The following IGSF21 variants were observed in gnomAD, a reference collection of about 807,000 sequenced individuals.
IGSF21 encodes the protein immunoglobin superfamily member 21.
In IGSF21, 28 loss-of-function variants were observed where a neutral mutation model predicts 46.8. The ratio of observed to expected loss-of-function variants is 0.60; its 90% confidence interval spans 0.44 to 0.82. IGSF21 has a LOEUF of 0.82. Ranked by LOEUF, IGSF21 falls within the 40% of genes least tolerant of loss-of-function variation. The pLI is 0.00. For synonymous variants in IGSF21, 284 were observed against 273.6 expected, an observed-to-expected ratio of 1.04 and a Z score of -0.38; for missense variants, 624 against 665.5, an observed-to-expected ratio of 0.94 and a Z score of 0.69.
At chr1:18,264,158 A>T (rs55693249) in intron 2 of IGSF21, among the ~76,000 whole-genome samples, 3,026 of 152,300 alleles carry the variant, frequency 0.02, 95 homozygotes, top group African/African-American at 0.057. Context: ...TTAAATTCCC[A>T]GGAGTCTGCA....
rs1316308393 is a variant in IGSF21 at position 18,335,961 on chromosome 1, C to T, written c.424+951C>T. Reference sequence around the variant, plus strand: ...GCAGTTACTCATGCACCACTCAGCTCCTCTGATAAAGGAACTAGCAGCGTT... The same window carrying T: ...GCAGTTACTCATGCACCACTCAGCTTCTCTGATAAAGGAACTAGCAGCGTT... On this transcript the variant is annotated intron_variant, in intron 4 of 9. Transcript: ENST00000251296. The surrounding 1 kb of genome is among the most constrained non-coding windows in gnomAD (Gnocchi z 4.8). 2.6e-5 allele frequency among the ~76,000 whole-genome samples: 4 copies of T among 152,164 alleles called. No individual in the cohort carries two copies. Among genetic ancestry groups the T allele is most frequent in the African/African-American group, 9.7e-5 (4 of 41,434 alleles).
intron 2 of IGSF21, among the ~76,000 whole-genome samples, chr1:18,284,985 A>G (rs149741645): frequency 9.2e-5 from 14 of 152,198 alleles, no homozygotes; most frequent in African/African-American, 3.1e-4. Flanking sequence ...GAGTTGGGAT[A>G]ATGTAGACAG....
chr1:18,280,579 C>T (rs1449002429), intron 2 of IGSF21, among the ~76,000 whole-genome samples: 1 of 152,182 alleles, frequency 6.6e-6, no homozygotes, highest in Non-Finnish European at 1.5e-5. Context: ...GATTCATCCT[C>T]CACCCTAGAT....
intron 1 of IGSF21, among the ~76,000 whole-genome samples, chr1:18,146,705 C>T (rs1021470663): frequency 4.6e-5 from 7 of 152,150 alleles, no homozygotes; most frequent in African/African-American, 1.2e-4. Context: ...CCGAGGGTCC[C>T]GGGTGAGACC....
chr1:18,128,661 C>T (rs1482206413), intron 1 of IGSF21, among the ~76,000 whole-genome samples: 1 of 152,154 alleles, frequency 6.6e-6, no homozygotes. Flanking sequence ...GTGGTGGGCC[C>T]TACTGTATTC....
At chr1:18,353,511 G>A (rs2085982615) in intron 4 of IGSF21, among the ~76,000 whole-genome samples, 1 of 152,142 alleles carries the variant, frequency 6.6e-6, no homozygotes, top group African/African-American at 2.4e-5. Context: ...GGGTATCGGA[G>A]GAAAAGAGAT....
chr1:18,280,607 C>T (rs1477213968), intron 2 of IGSF21, among the ~76,000 whole-genome samples: 2 of 152,126 alleles, frequency 1.3e-5, no homozygotes, highest in Non-Finnish European at 2.9e-5. Flanking sequence ...CTATTGCTAT[C>T]CTCATTTTAC....
At chr1:18,342,064 T>G (rs531295399) in intron 4 of IGSF21, among the ~76,000 whole-genome samples, 25 of 125,070 alleles carry the variant, frequency 2.0e-4, no homozygotes, top group African/African-American at 6.5e-4. Flanking sequence ...GTTTTTTTTT[T>G]TTTTGTTTGT....
chr1:18,335,208 C>A lies in IGSF21; in HGVS notation c.424+198C>A, dbSNP rs1183637146. 6.6e-6 allele frequency among the ~76,000 whole-genome samples: 1 copy of A among 152,194 alleles called. No individual in the cohort carries two copies. The highest frequency in any genetic ancestry group is 6.5e-5 in the Admixed American group (1 of 15,280). On this transcript the variant is annotated intron_variant, in intron 4 of 9. Transcript: ENST00000251296. This position sits in a 1 kb window ranked among gnomAD's most constrained non-coding sequence, Gnocchi z 4.8. ...CCAAGGTGTGACCCGTGAAGTCTTG[C>A]CCCCCATGGGCCTCCCCTCAGGAGG...
chr1:18,261,985 T>A (rs963861504), intron 2 of IGSF21, among the ~76,000 whole-genome samples: 6 of 152,136 alleles, frequency 3.9e-5, no homozygotes, highest in Admixed American at 6.5e-5. Flanking sequence ...TGGAGTAGAA[T>A]GGAGTTGCTA....
chr1:18,178,456 C>G (rs908200), intron 1 of IGSF21, among the ~76,000 whole-genome samples: 55,785 of 151,970 alleles, frequency 0.37, 10,735 homozygotes, highest in Non-Finnish European at 0.44. Context: ...CTTCATGTTG[C>G]CTCAGTTTCT....
intron 3 of IGSF21, among the ~76,000 whole-genome samples, chr1:18,303,855 G>A (rs1034773170): frequency 1.3e-5 from 2 of 152,292 alleles, no homozygotes; most frequent in South Asian, 4.2e-4. Flanking sequence ...AGGCATCCAT[G>A]TATTAAATCA....
intron 1 of IGSF21, among the ~76,000 whole-genome samples, chr1:18,142,995 C>T (rs1272574361): frequency 6.6e-6 from 1 of 152,214 alleles, no homozygotes; most frequent in African/African-American, 2.4e-5. Flanking sequence ...AAGGGTCTGG[C>T]CTCTCCAATT....
At chr1:18,231,932 T>TGTGTGTGTGA (rs1156550399) in intron 2 of IGSF21, among the ~76,000 whole-genome samples, 1 of 149,606 alleles carries the variant, frequency 6.7e-6, no homozygotes, top group African/African-American at 2.5e-5. Context: ...CGTGTGTGTG[T>TGTGTGTGTGA]GTGTGTGTGT....
intron 4 of IGSF21, among the ~76,000 whole-genome samples, chr1:18,339,805 A>G (rs2085809923): frequency 1.3e-5 from 2 of 152,126 alleles, no homozygotes; most frequent in South Asian, 4.2e-4. Context: ...TGCCTTTCGG[A>G]ACATGTAGGA....
At chr1:18,376,162 A>G in intron 6 of IGSF21, 148 bp from the exon 7 acceptor site, 1 of 708,478 alleles carries the variant, frequency 1.4e-6, no homozygotes, top group South Asian at 1.5e-5. Flanking sequence ...TGCAGCTGTG[A>G]ATGAGTGAAT....
chr1:18,295,658 GT>G (rs553479459), intron 3 of IGSF21, among the ~76,000 whole-genome samples: 133 of 152,258 alleles, frequency 8.7e-4, no homozygotes, highest in Middle Eastern at 6.8e-3. Context: ...GTGGCCGACA[GT>G]TATCCCACCC....
intron 1 of IGSF21, among the ~76,000 whole-genome samples, chr1:18,117,787 A>G (rs2086200182): frequency 6.6e-6 from 1 of 152,218 alleles, no homozygotes; most frequent in South Asian, 2.1e-4. Context: ...TGGGTTTGGA[A>G]TTACAGAGCA....
At chr1:18,309,695 C>T (rs1342328110) in intron 3 of IGSF21, among the ~76,000 whole-genome samples, 1 of 152,220 alleles carries the variant, frequency 6.6e-6, no homozygotes, top group Admixed American at 6.5e-5. Flanking sequence ...GGGCCGGCCT[C>T]CTTTTGCCTC....
Sources: gnomAD v4.1 joint callset for allele counts (sites outside exome capture counted in the v4.1 genomes callset) on GRCh38, gnomAD v4.1.1 for gene constraint, Gnocchi (gnomAD v3.1) non-coding constraint, MANE v1.5 for transcripts, NCBI Gene and HGNC (gene_info 2026-07-23, HGNC 2026-07-21) for gene names.